The following CCSER1 variants were observed in gnomAD, a reference collection of about 807,000 sequenced individuals.
CCSER1 encodes serine-rich coiled-coil domain-containing protein 1.
In CCSER1, 41 loss-of-function variants were observed where a neutral mutation model predicts 82.0. The observed-to-expected ratio is 0.50, with a 90% CI of 0.39 to 0.65. The LOEUF is 0.65. Among genes scored for constraint, CCSER1 ranks in the 30% least tolerant of loss-of-function variants. CCSER1 has a pLI of 0.00. For synonymous variants in CCSER1, 414 were observed against 383.9 expected, an observed-to-expected ratio of 1.08 and a Z score of -0.92; for missense variants, 1,119 against 1,064.2, an observed-to-expected ratio of 1.05 and a Z score of -0.72.
chr4:90,334,605 C>G (rs1374557034), intron 3 of CCSER1, among the ~76,000 whole-genome samples: 1 of 151,406 alleles, frequency 6.6e-6, no homozygotes, highest in Non-Finnish European at 1.5e-5. Flanking sequence ...ATTATTTATT[C>G]AATTATGCAT....
intron 10 of CCSER1, among the ~76,000 whole-genome samples, chr4:91,374,382 A>G (rs1367665411): frequency 1.3e-5 from 2 of 152,196 alleles, no homozygotes; most frequent in Non-Finnish European, 2.9e-5. Context: ...TCCATTTACC[A>G]TTCTGAAAAT....
At chr4:90,942,312 G>A (rs757521757) in intron 9 of CCSER1, among the ~76,000 whole-genome samples, 2 of 152,082 alleles carry the variant, frequency 1.3e-5, no homozygotes, top group African/African-American at 4.8e-5. Flanking sequence ...TAATGGAGAA[G>A]ATTATGATAG....
intron 10 of CCSER1, among the ~76,000 whole-genome samples, chr4:91,312,252 T>C (rs115113022): frequency 0.015 from 2,259 of 151,884 alleles, 25 homozygotes; most frequent in Non-Finnish European, 0.025. Context: ...TAAGATAATA[T>C]GAATTTCCAC....
intron 10 of CCSER1, among the ~76,000 whole-genome samples, chr4:91,478,392 TTTAG>T (rs1757709562): frequency 6.6e-6 from 1 of 151,920 alleles, no homozygotes; most frequent in Admixed American, 6.6e-5. Context: ...CAATATGTCA[TTTAG>T]TTAAATATTG....
chr4:90,765,806 A>G lies in CCSER1; in HGVS notation c.2010+41815A>G, dbSNP rs572686377. ...AGATTTTTACCTAGATACAAGAGTC[A>G]GACATCTAATTTAGACCAAGAGAGG... On this transcript the variant is annotated intron_variant, in intron 7 of 10. Coordinates refer to ENST00000509176, the MANE Select transcript of CCSER1 (RefSeq NM_001145065.2). Among the ~76,000 whole-genome samples, 8 of 152,306 alleles carry G rather than the reference A, an allele frequency of 5.3e-5. No individual in the cohort carries two copies. In the East Asian group the frequency reaches 1.3e-3, roughly 26 times the overall value.
intron 3 of CCSER1, among the ~76,000 whole-genome samples, chr4:90,334,120 A>G (rs1481317532): frequency 1.3e-5 from 2 of 152,180 alleles, no homozygotes; most frequent in Non-Finnish European, 1.5e-5. Context: ...AAACCAAGAG[A>G]ACAGCAATTT....
intron 6 of CCSER1, 83 bp from the exon 7 acceptor site, chr4:90,723,831 G>A (rs1743144734): frequency 1.8e-6 from 1 of 559,996 alleles, no homozygotes; most frequent in African/African-American, 2.0e-5. Flanking sequence ...TTATTTTAAT[G>A]ATTTATTTAT....
chr4:90,692,515 C>T (rs999613809), intron 6 of CCSER1, among the ~76,000 whole-genome samples: 1 of 151,852 alleles, frequency 6.6e-6, no homozygotes, highest in Non-Finnish European at 1.5e-5. Flanking sequence ...GGCATAATGA[C>T]GGCAGTAACA....
At chr4:90,941,808 C>T (rs1330594951) in intron 9 of CCSER1, among the ~76,000 whole-genome samples, 1 of 152,056 alleles carries the variant, frequency 6.6e-6, no homozygotes, top group African/African-American at 2.4e-5. Context: ...GCTATATTTA[C>T]TTGAAACAAG....
intron 10 of CCSER1, among the ~76,000 whole-genome samples, chr4:91,475,829 A>G (rs1412354556): frequency 1.3e-5 from 2 of 151,814 alleles, no homozygotes; most frequent in Non-Finnish European, 1.5e-5. Context: ...GGTAACCACT[A>G]TTCTACTCAC....
rs556021152 is a variant in CCSER1, at chr4:90,172,738, C to A, written c.-42+44907C>A. On this transcript the variant is annotated intron_variant, in intron 1 of 10. Coordinates refer to ENST00000509176, the MANE Select transcript of CCSER1 (RefSeq NM_001145065.2). ...TATCCATTCCTCTGGGAAAATGAGA[C>A]AATATTGCATGCAACCTTGAAAGTC... Among the ~76,000 whole-genome samples, 31 of 151,876 alleles carry A rather than the reference C, an allele frequency of 2.0e-4. 1 individual carries two copies. The South Asian group carries it at 5.4e-3, about 26-fold the overall frequency.
chr4:90,900,452 T>C (rs148866402), intron 8 of CCSER1, among the ~76,000 whole-genome samples: 1 of 152,150 alleles, frequency 6.6e-6, no homozygotes, highest in Non-Finnish European at 1.5e-5. Flanking sequence ...AACTTTCCTC[T>C]TAACACTGCT....
intron 9 of CCSER1, among the ~76,000 whole-genome samples, chr4:91,003,246 G>A (rs1362004164): frequency 6.6e-6 from 1 of 152,114 alleles, no homozygotes; most frequent in African/African-American, 2.4e-5. Context: ...AGCTGTAGTA[G>A]TATGGGGAGG....
At chr4:90,900,906 A>G (rs114525708) in intron 8 of CCSER1, among the ~76,000 whole-genome samples, 1,918 of 152,002 alleles carry the variant, frequency 0.013, 29 homozygotes, top group African/African-American at 0.038. Flanking sequence ...GTTCCCCACT[A>G]CTATTGGATG....
At chr4:90,268,548 C>A (rs1384196361) in intron 1 of CCSER1, among the ~76,000 whole-genome samples, 2 of 151,618 alleles carry the variant, frequency 1.3e-5, no homozygotes, top group Non-Finnish European at 1.5e-5. Context: ...AAAACAGATA[C>A]ACAAAAAATA....
At chr4:90,643,839 G>T (rs1461249468) in intron 6 of CCSER1, among the ~76,000 whole-genome samples, 1 of 152,096 alleles carries the variant, frequency 6.6e-6, no homozygotes, top group Admixed American at 6.6e-5. Context: ...AAATGTTGTT[G>T]TAAAGGTTAG....
intron 10 of CCSER1, among the ~76,000 whole-genome samples, chr4:91,565,393 G>T (rs749343539): frequency 1.3e-5 from 2 of 151,932 alleles, no homozygotes; most frequent in Non-Finnish European, 2.9e-5. Context: ...GCTCTTTTAT[G>T]GTTCCATATG....
chr4:90,981,252 T>C (rs1736091351), intron 9 of CCSER1, among the ~76,000 whole-genome samples: 1 of 151,864 alleles, frequency 6.6e-6, no homozygotes, highest in African/African-American at 2.4e-5. Flanking sequence ...TGAAAAAGTT[T>C]AGATATTTCC....
intron 3 of CCSER1, among the ~76,000 whole-genome samples, chr4:90,338,210 T>C (rs1200492051): frequency 1.3e-5 from 2 of 152,208 alleles, no homozygotes; most frequent in South Asian, 2.1e-4. Flanking sequence ...CTTCACTTGC[T>C]CCTTTCTACC....
Sources: gnomAD v4.1 joint callset for allele counts (sites outside exome capture counted in the v4.1 genomes callset) on GRCh38, gnomAD v4.1.1 for gene constraint, MANE v1.5 for transcripts, NCBI Gene and HGNC (gene_info 2026-07-23, HGNC 2026-07-21) for gene names.